Variants in KCNJ3 observed in about 807,000 individuals in gnomAD.
KCNJ3 encodes potassium inwardly rectifying channel subfamily J member 3, also known as G protein-activated inward rectifier potassium channel 1.
Under a neutral mutation model 39.2 loss-of-function variants are expected in KCNJ3, and 4 were observed. The observed-to-expected ratio is 0.10, with a 90% CI of 0.05 to 0.23. The LOEUF is 0.23. Ranked by LOEUF, KCNJ3 falls within the 10% of genes least tolerant of loss-of-function variation. The pLI is 1.00. For synonymous variants in KCNJ3, 230 were observed against 237.4 expected, an observed-to-expected ratio of 0.97 and a Z score of 0.29; for missense variants, 276 against 634.9, an observed-to-expected ratio of 0.43 and a Z score of 6.08.
chr2:154,728,172 T>C (rs1685391534), intron 2 of KCNJ3, among the ~76,000 whole-genome samples: 1 of 152,094 alleles, frequency 6.6e-6, no homozygotes, highest in Admixed American at 6.6e-5. Flanking sequence ...TGCATATGTA[T>C]TAGTATAGAT....
intron 2 of KCNJ3, among the ~76,000 whole-genome samples, chr2:154,779,516 A>T (rs901036883): frequency 1.4e-5 from 2 of 140,624 alleles, no homozygotes; most frequent in African/African-American, 2.5e-5. Flanking sequence ...TGTTATATAT[A>T]TTTTTTATAT....
intron 2 of KCNJ3, among the ~76,000 whole-genome samples, chr2:154,748,001 A>G (rs182622514): frequency 6.6e-6 from 1 of 152,086 alleles, no homozygotes; most frequent in East Asian, 1.9e-4. Flanking sequence ...CGCTTTGGGA[A>G]TCTAATAAAA....
At position 154,760,621 on chromosome 2, in the gene KCNJ3, G is replaced by T. The variant is rs114194991; in HGVS notation, c.919+50802G>T. On this transcript the variant is annotated intron_variant, in intron 2 of 2. Transcript: ENST00000295101. ...CAGCCTGGATTGTAGTGGTATAATC[G>T]TGGTCTGGTGTAGCCTCAACCTCCT... Among the ~76,000 whole-genome samples, 559 of 151,688 alleles carry T rather than the reference G, an allele frequency of 3.7e-3. 5 individuals are homozygous for T. The highest frequency in any genetic ancestry group is 5.9e-3 in the Non-Finnish European group (399 of 67,900).
At chr2:154,844,373 A>AGAT (rs1180390361) in intron 2 of KCNJ3, among the ~76,000 whole-genome samples, 2 of 152,162 alleles carry the variant, frequency 1.3e-5, no homozygotes, top group African/African-American at 4.8e-5. Context: ...ACCTATTGGG[A>AGAT]GATGTCTCCC....
At chr2:154,803,830 G>A (rs984649543) in intron 2 of KCNJ3, among the ~76,000 whole-genome samples, 5 of 151,960 alleles carry the variant, frequency 3.3e-5, no homozygotes, top group Non-Finnish European at 7.4e-5. Flanking sequence ...AATATAAAAT[G>A]AGTAACGCTG....
At position 154,843,266 on chromosome 2, in the gene KCNJ3, C is replaced by G. The variant is rs969098033; in HGVS notation, c.920-11461C>G. 3.3e-5 allele frequency among the ~76,000 whole-genome samples: 5 copies of G among 152,256 alleles called. No individual in the cohort carries two copies. In the South Asian group the frequency reaches 6.2e-4, roughly 19 times the overall value. ...CTTTGAGAATGTTGAATATTGGCCT[C>G]CACTCTCTTCTGGCTTGCTTGGTTT... On this transcript the variant is annotated intron_variant, in intron 2 of 2. Coordinates refer to ENST00000295101, the MANE Select transcript of KCNJ3 (RefSeq NM_002239.4).
chr2:154,846,189 C>G (rs1350272550), intron 2 of KCNJ3, among the ~76,000 whole-genome samples: 2 of 151,396 alleles, frequency 1.3e-5, no homozygotes, highest in African/African-American at 4.9e-5. Context: ...TTGTTTTACT[C>G]ACTTCATTAT....
At chr2:154,711,264 C>T (rs1281300397) in intron 2 of KCNJ3, among the ~76,000 whole-genome samples, 1 of 151,908 alleles carries the variant, frequency 6.6e-6, no homozygotes, top group Admixed American at 6.6e-5. Context: ...CTTTACATTT[C>T]CATTTTTACT....
intron 2 of KCNJ3, among the ~76,000 whole-genome samples, chr2:154,743,572 T>G (rs955226482): frequency 6.6e-6 from 1 of 151,700 alleles, no homozygotes; most frequent in Non-Finnish European, 1.5e-5. Context: ...TTAAGTATAT[T>G]CTTTTGAGTA....
intron 1 of KCNJ3, among the ~76,000 whole-genome samples, chr2:154,700,638 T>G (rs1419106005): frequency 6.6e-6 from 1 of 152,250 alleles, no homozygotes; most frequent in Non-Finnish European, 1.5e-5. Flanking sequence ...ATTTTGCCTT[T>G]GAAATTTCAA....
intron 2 of KCNJ3, among the ~76,000 whole-genome samples, chr2:154,798,023 C>T (rs1419576051): frequency 1.3e-5 from 2 of 151,964 alleles, no homozygotes; most frequent in Admixed American, 1.3e-4. Flanking sequence ...TGGCAACCAC[C>T]GTCAGCACTA....
intron 2 of KCNJ3, among the ~76,000 whole-genome samples, chr2:154,771,177 C>T (rs1242679752): frequency 6.6e-6 from 1 of 152,060 alleles, no homozygotes; most frequent in Non-Finnish European, 1.5e-5. Context: ...AGGTGTGAGC[C>T]TCCGCACCCT....
chr2:154,824,982 G>A (rs1166223984), intron 2 of KCNJ3, among the ~76,000 whole-genome samples: 1 of 152,128 alleles, frequency 6.6e-6, no homozygotes, highest in Non-Finnish European at 1.5e-5. Flanking sequence ...GCAGTCCTGC[G>A]CAATCCGTTT....
chr2:154,798,241 G>A lies in KCNJ3; in HGVS notation c.920-56486G>A, dbSNP rs575264806. Among the ~76,000 whole-genome samples, 32 of 150,208 alleles carry A rather than the reference G, an allele frequency of 2.1e-4. No individual in the cohort carries two copies. In the Middle Eastern group the frequency reaches 0.01, roughly 48 times the overall value. Reference sequence around the variant, plus strand: ...ACACACGCACAGAGTCTGTTCCCTAGCCACAGCACTCCTGCCCACTACAAC... The same window carrying A: ...ACACACGCACAGAGTCTGTTCCCTAACCACAGCACTCCTGCCCACTACAAC... On this transcript the variant is annotated intron_variant, in intron 2 of 2. Coordinates refer to ENST00000295101, the MANE Select transcript of KCNJ3 (RefSeq NM_002239.4).
intron 2 of KCNJ3, among the ~76,000 whole-genome samples, chr2:154,774,646 A>C (rs994488564): frequency 2.0e-5 from 3 of 152,152 alleles, no homozygotes; most frequent in African/African-American, 4.8e-5. Context: ...GTTTAAATCA[A>C]GTGGGAACAC....
intron 2 of KCNJ3, among the ~76,000 whole-genome samples, chr2:154,847,997 A>T (rs1446074996): frequency 6.6e-6 from 1 of 152,198 alleles, no homozygotes; most frequent in Non-Finnish European, 1.5e-5. Flanking sequence ...CCTTATAGTG[A>T]TACCAAAAGG....
At chr2:154,709,959 T>C (rs762641365) in intron 2 of KCNJ3, 140 bp downstream of exon 2, 68 of 984,274 alleles carry the variant, frequency 6.9e-5, no homozygotes, top group Non-Finnish European at 9.8e-5. Context: ...CATTTCTTTG[T>C]AACATTAAAT....
Position 154,732,420 on chromosome 2 carries a change from A to G in KCNJ3, c.919+22601A>G, listed in dbSNP as rs529238897. 2.6e-5 allele frequency among the ~76,000 whole-genome samples: 4 copies of G among 152,224 alleles called. No homozygotes were observed. In the East Asian group the frequency reaches 7.7e-4, roughly 29 times the overall value. ...GTTTGGATAAATGAAAGACAATTGC[A>G]GACTTCAGTGGATTCTTTAGAAACA... On this transcript the variant is annotated intron_variant, in intron 2 of 2. Coordinates refer to ENST00000295101, the MANE Select transcript of KCNJ3 (RefSeq NM_002239.4).
At position 154,855,423 on chromosome 2, in the gene KCNJ3, T is replaced by C; in HGVS notation, c.*110T>C. 1 of 765,742 alleles carries C rather than the reference T, an allele frequency of 1.3e-6. No homozygotes were observed. Among genetic ancestry groups the C allele is most frequent in the East Asian group, 2.7e-5 (1 of 36,998 alleles). 47.4% of individuals were successfully genotyped at this position (765,742 alleles called of 1,614,324 possible). A position where few individuals can be genotyped will look rare whatever the true frequency, so the allele number is the denominator to read the frequency against. On this transcript the variant is annotated 3_prime_UTR_variant, in exon 3 of 3. Transcript: ENST00000295101. ...TGAAAGTATATTTTCCTCCCAGTTC[T>C]ACAAGCATATTTGAGAACCCTTCCT...
Sources: gnomAD v4.1 joint callset for allele counts (sites outside exome capture counted in the v4.1 genomes callset) on GRCh38, gnomAD v4.1.1 for gene constraint, MANE v1.5 for transcripts, NCBI Gene and HGNC (gene_info 2026-07-23, HGNC 2026-07-21) for gene names.